IKBKE: variants seen among roughly 807,000 people sequenced by gnomAD.
The protein encoded by IKBKE is inhibitor of nuclear factor kappa B kinase subunit epsilon.
IKBKE carries 45 observed loss-of-function variants against 92.1 expected under a neutral mutation model. The observed-to-expected ratio is 0.49, with a 90% CI of 0.38 to 0.63. IKBKE has a LOEUF of 0.63. IKBKE is among the 20% of genes least tolerant of loss of function. The pLI is 0.00. For missense variants in IKBKE, 700 were observed against 932.8 expected (o/e 0.75, Z 3.25); for synonymous variants, 374 against 380.3 (o/e 0.98, Z 0.19).
In IKBKE at chr1:206,478,854, A is replaced by G; in HGVS notation, c.993-89A>G. 9.9e-7 allele frequency: 1 copy of G among 1,009,280 alleles called. No individual in the cohort carries two copies. The highest frequency in any genetic ancestry group is 1.6e-6 in the Non-Finnish European group (1 of 633,380). The allele number at this position is 1,009,280 out of a possible 1,614,324, so 62.5% of individuals were successfully genotyped here. On this transcript the variant is annotated intron_variant, in intron 9 of 21. Transcript: ENST00000581977. The surrounding 1 kb of genome is among the most constrained non-coding windows in gnomAD (Gnocchi z 4.8). Reference sequence around the variant, plus strand: ...GCAAAACAGAGCCCTGTCTATGGGCAACGCTTAGCTGGGGCTTAGGTCACC... The same window carrying G: ...GCAAAACAGAGCCCTGTCTATGGGCGACGCTTAGCTGGGGCTTAGGTCACC...
intron 12 of IKBKE, 28 bp downstream of exon 12, chr1:206,480,141 AGG>A: frequency 7.6e-7 from 1 of 1,310,858 alleles, no homozygotes; most frequent in Non-Finnish European, 1.0e-6. Context: ...CTGGGCACAG[AGG>A]GGGAGGCGGG....
rs1019055686 is a variant in IKBKE, at chr1:206,476,152, C to T, written c.359-29C>T. The stretch of plus-strand genomic sequence containing the variant: ...ACACTAGACTGTCCCCGACCAGAGC[C>T]AGCTAGTGGCCTCCCCGTCTGTCCC... On this transcript the variant is annotated intron_variant, in intron 5 of 21. Transcript: ENST00000581977. The surrounding 1 kb of genome is among the most constrained non-coding windows in gnomAD (Gnocchi z 5.1). 6.2e-7 allele frequency: 1 copy of T among 1,611,708 alleles called. No individual in the cohort carries two copies. The highest frequency in any genetic ancestry group is 1.3e-5 in the African/African-American group (1 of 74,850).
At chr1:206,470,905 G>A (rs782473273) in intron 1 of IKBKE, among the ~76,000 whole-genome samples, 29 of 152,186 alleles carry the variant, frequency 1.9e-4, no homozygotes, top group South Asian at 4.1e-4. Flanking sequence ...CAAAGCCAGC[G>A]ATCAGCACCC....
intron 16 of IKBKE, among the ~76,000 whole-genome samples, chr1:206,488,775 C>A (rs1345622854): frequency 8.5e-5 from 13 of 152,172 alleles, no homozygotes; most frequent in Admixed American, 7.2e-4. Context: ...CTAAAAACCA[C>A]TGTCCAATAG....
chr1:206,491,576 G>A, intron 17 of IKBKE, 72 bp from the exon 18 acceptor site: 1 of 1,068,176 alleles, frequency 9.4e-7, no homozygotes, highest in Non-Finnish European at 1.5e-6. Context: ...GACTGACGGA[G>A]ACTGAGGGAT....
chr1:206,489,233 T>C (rs1191510702), intron 16 of IKBKE, among the ~76,000 whole-genome samples: 1 of 147,856 alleles, frequency 6.8e-6, no homozygotes, highest in Non-Finnish European at 1.5e-5. Context: ...ATATATATAA[T>C]TCATATATAT....
chr1:206,493,608 G>A (rs1270915162), intron 20 of IKBKE, among the ~76,000 whole-genome samples: 8 of 152,200 alleles, frequency 5.3e-5, no homozygotes, highest in Non-Finnish European at 1.2e-4. Context: ...GCCAAACATG[G>A]TGAAACCCCA....
chr1:206,487,876 G>T lies in IKBKE; in HGVS notation c.1617-38G>T, dbSNP rs782749827. On this transcript the variant is annotated intron_variant, in intron 15 of 21. Transcript: ENST00000581977. This position sits in a 1 kb window ranked among gnomAD's most constrained non-coding sequence, Gnocchi z 5.3. ...CCTCCCTCTTTCCTCTGTGCTATTA[G>T]ATTCTTCCAACACCTGGTCCCTGTC... 6.4e-7 allele frequency: 1 copy of T among 1,558,400 alleles called. No individual in the cohort carries two copies. Among genetic ancestry groups the T allele is most frequent in the Non-Finnish European group, 8.8e-7 (1 of 1,132,574 alleles).
intron 4 of IKBKE, 61 bp from the exon 5 acceptor site, chr1:206,474,804 T>C: frequency 6.3e-7 from 1 of 1,587,146 alleles, no homozygotes. Flanking sequence ...GAGCCACTTC[T>C]TCCTGGTGGG....
rs949510587 is a variant in IKBKE at position 206,490,679 on chromosome 1, C to T, written c.1694-140C>T. 12 of 813,312 alleles carry T rather than the reference C, an allele frequency of 1.5e-5. No homozygotes were observed. Among genetic ancestry groups the T allele is most frequent in the South Asian group, 1.4e-4 (10 of 69,044 alleles). 50.4% of individuals were successfully genotyped at this position (813,312 alleles called of 1,614,324 possible). On this transcript the variant is annotated intron_variant, in intron 16 of 21. Transcript: ENST00000581977. The surrounding 1 kb of genome is among the most constrained non-coding windows in gnomAD (Gnocchi z 5.2). ...GTGCTAGCTTCACTCCTCTGCCCCT[C>T]CTGCTCCGCTGGGCGGTGAGTTCCC...
intron 21 of IKBKE, 142 bp from the exon 22 acceptor site, chr1:206,495,970 C>T (rs1368885776): frequency 1.0e-5 from 6 of 590,884 alleles, no homozygotes; most frequent in Middle Eastern, 4.4e-4. Flanking sequence ...GGGTTCTTGT[C>T]GGGGAGTGAG....
In IKBKE at chr1:206,474,600, A is replaced by G. The variant is rs1486114990; in HGVS notation, c.228+129A>G. 7 of 982,388 alleles carry G rather than the reference A, an allele frequency of 7.1e-6. No homozygotes were observed. In the African/African-American group the frequency reaches 1.1e-4, roughly 16 times the overall value. The allele number at this position is 982,388 out of a possible 1,614,324, so 60.9% of individuals were successfully genotyped here. On this transcript the variant is annotated intron_variant, in intron 4 of 21. Coordinates refer to ENST00000581977, the MANE Select transcript of IKBKE (RefSeq NM_014002.4). ...AGGTCAGAGACAGCAGGCAAATTGC[A>G]GAAGGGAGCAAAGGGGGCAAGGGGG...
Position 206,490,565 on chromosome 1 carries a change from C to G in IKBKE, c.1694-254C>G, listed in dbSNP as rs535027394. On this transcript the variant is annotated intron_variant, in intron 16 of 21. Coordinates refer to ENST00000581977, the MANE Select transcript of IKBKE (RefSeq NM_014002.4). The surrounding 1 kb of genome is among the most constrained non-coding windows in gnomAD (Gnocchi z 5.2). ...CATCCCCCACGTCCCCACCCCGGCC[C>G]TGCACTGCAGGCTGCCTTCCCCTGG... is the stretch of plus-strand genomic sequence containing the variant. 2.0e-5 allele frequency among the ~76,000 whole-genome samples: 3 copies of G among 152,208 alleles called. No homozygotes were observed. Among genetic ancestry groups the G allele is most frequent in the Non-Finnish European group, 4.4e-5 (3 of 68,050 alleles).
intron 13 of IKBKE, among the ~76,000 whole-genome samples, chr1:206,484,095 T>TTGTATTGTA (rs1665531347): frequency 8.2e-6 from 1 of 122,040 alleles, no homozygotes; most frequent in Non-Finnish European, 1.7e-5. Context: ...TGGCTTTTAT[T>TTGTATTGTA]TTGTATTGTA....
Position 206,477,876 on chromosome 1 carries a change from T to TG in IKBKE, c.812+23dup, listed in dbSNP as rs1553385873. The TG allele has an allele frequency of 6.1e-6, 9 of 1,472,034 alleles. No homozygotes were observed. Among genetic ancestry groups the TG allele is most frequent in the Non-Finnish European group, 4.6e-6 (5 of 1,075,994 alleles). 91.2% of individuals were successfully genotyped at this position (1,472,034 alleles called of 1,614,324 possible). A position where few individuals can be genotyped will look rare whatever the true frequency, so the allele number is the denominator to read the frequency against. ...GCTGTCACTGTGAGTGGGACCCTGC[T>TG]GGGGGGTGATGCTGGAGTCTGAGCT... On this transcript the variant is annotated intron_variant, in intron 8 of 21. Coordinates refer to ENST00000581977, the MANE Select transcript of IKBKE (RefSeq NM_014002.4).
At chr1:206,483,741 T>A (rs1553387817) in intron 13 of IKBKE, among the ~76,000 whole-genome samples, 1 of 152,174 alleles carries the variant, frequency 6.6e-6, no homozygotes, top group African/African-American at 2.4e-5. Flanking sequence ...GGAGTACACA[T>A]CCTTCTAGAT....
rs1051018762 is a variant in IKBKE, at chr1:206,473,015, G to A, written c.-32-181G>A. 7.3e-5 allele frequency: 42 copies of A among 571,898 alleles called. 1 individual carries two copies. Among genetic ancestry groups the A allele is most frequent in the South Asian group, 2.8e-4 (13 of 45,706 alleles). 35.4% of individuals were successfully genotyped at this position (571,898 alleles called of 1,614,324 possible). On this transcript the variant is annotated intron_variant, in intron 2 of 21. Transcript: ENST00000581977. ...TGGGGGCCCTCTTGTTGTGCTGTGC[G>A]TCCTTTTGGGGAAGTTACTTAACCT...
In IKBKE at chr1:206,476,580, T is replaced by C. The variant is rs1558474390; in HGVS notation, c.541-98T>C. On this transcript the variant is annotated intron_variant, in intron 6 of 21. Transcript: ENST00000581977. This position sits in a 1 kb window ranked among gnomAD's most constrained non-coding sequence, Gnocchi z 5.1. Reference sequence around the variant, plus strand: ...AGATGACAAAGAAGGATTTGAACAGTTCTGTTTTCACCTGCAGGCGGTGAA... The same window carrying C: ...AGATGACAAAGAAGGATTTGAACAGCTCTGTTTTCACCTGCAGGCGGTGAA... The C allele has an allele frequency of 5.6e-5, 80 of 1,418,144 alleles. No individual in the cohort carries two copies. Among genetic ancestry groups the C allele is most frequent in the Non-Finnish European group, 7.4e-5 (76 of 1,025,614 alleles). 87.8% of individuals were successfully genotyped at this position (1,418,144 alleles called of 1,614,324 possible). A position where few individuals can be genotyped will look rare whatever the true frequency, so the allele number is the denominator to read the frequency against.
intron 10 of IKBKE, 70 bp from the exon 11 acceptor site, chr1:206,479,800 G>T: frequency 6.7e-7 from 1 of 1,502,662 alleles, no homozygotes; most frequent in East Asian, 2.3e-5. Flanking sequence ...AGTGTGAGCT[G>T]GAAATAATGA....
Sources: allele counts gnomAD v4.1 joint callset (sites outside exome capture counted in the v4.1 genomes callset), GRCh38; gene constraint gnomAD v4.1.1; non-coding constraint Gnocchi (gnomAD v3.1); transcripts MANE v1.5; gene names NCBI Gene and HGNC (gene_info 2026-07-23, HGNC 2026-07-21).